Variants in TREML2 observed in about 807,000 individuals in gnomAD.
TREML2 encodes the protein triggering receptor expressed on myeloid cells like 2, also known as trem-like transcript 2 protein.
A neutral mutation model predicts 25.9 loss-of-function variants in TREML2; 24 were observed. That is an observed-to-expected ratio of 0.93 (90% CI 0.67 to 1.30). The LOEUF is 1.30. Among genes scored for constraint, TREML2 ranks in the 50% most tolerant of loss-of-function variants. The probability of loss-of-function intolerance (pLI) is 0.00; values close to 1 mark genes in which losing one functional copy is unlikely to be tolerated. For missense variants in TREML2, 359 were observed against 395.6 expected, an observed-to-expected ratio of 0.91 and a Z score of 0.78; for synonymous variants, 139 against 155.2, an observed-to-expected ratio of 0.90 and a Z score of 0.77.
chr6:41,195,601 G>A (rs768930478), intron 2 of TREML2, among the ~76,000 whole-genome samples: 1 of 152,158 alleles, frequency 6.6e-6, no homozygotes, highest in Non-Finnish European at 1.5e-5. Context: ...CTGGAGAAGG[G>A]GACCCAGAAC....
intron 3 of TREML2, 43 bp from the exon 4 acceptor site, chr6:41,192,944 C>CCCCCATCCTAA (rs755387047): frequency 1.0e-5 from 15 of 1,479,920 alleles, no homozygotes; most frequent in Admixed American, 2.3e-5. Flanking sequence ...GCACCAAGGT[C>CCCCCATCCTAA]CCCCATCCTA....
chr6:41,190,049 C>T lies in TREML2; in HGVS notation c.*2378G>A, dbSNP rs1253989566. Among the ~76,000 whole-genome samples the T allele has an allele frequency of 6.6e-6, 1 of 152,120 alleles. No individual in the cohort carries two copies. The highest frequency in any genetic ancestry group is 1.5e-5 in the Non-Finnish European group (1 of 68,028). ...TGTTTGGGCAAGTCACCTGTGTAGTCTGTCTTATCTATGAGGCTGTGGGCA... is the reference window on the plus strand; with the variant it reads ...TGTTTGGGCAAGTCACCTGTGTAGTTTGTCTTATCTATGAGGCTGTGGGCA... On this transcript the variant is annotated 3_prime_UTR_variant, in exon 5 of 5. Transcript: ENST00000483722.
chr6:41,193,249 C>CT (rs1368980224), intron 3 of TREML2, among the ~76,000 whole-genome samples: 1 of 152,148 alleles, frequency 6.6e-6, no homozygotes, highest in Non-Finnish European at 1.5e-5. Flanking sequence ...TTCCCCCACT[C>CT]TATCCTCTGT....
Position 41,192,663 on chromosome 6 carries a change from T to C in TREML2, c.886+138A>G, listed in dbSNP as rs1766088294. On this transcript the variant is annotated intron_variant, in intron 4 of 4. Transcript: ENST00000483722. Reference sequence around the variant, plus strand: ...GGTGGTCTCCGCCTGGCCGCCCTCCTCCCCAGGTGGAAGCGTCATAGTCCT... The same window carrying C: ...GGTGGTCTCCGCCTGGCCGCCCTCCCCCCCAGGTGGAAGCGTCATAGTCCT... 5 of 1,127,742 alleles carry C rather than the reference T, an allele frequency of 4.4e-6. No homozygotes were observed. The Admixed American group carries it at 6.2e-5, about 14-fold the overall frequency. The allele number at this position is 1,127,742 out of a possible 1,614,324, so 69.9% of individuals were successfully genotyped here.
chr6:41,200,451 A>T (rs868348592), intron 1 of TREML2, among the ~76,000 whole-genome samples: 3 of 152,186 alleles, frequency 2.0e-5, no homozygotes, highest in Admixed American at 6.5e-5. Flanking sequence ...TGGCAGCGAG[A>T]GGGGCAGGAA....
At position 41,192,135 on chromosome 6, in the gene TREML2, A is replaced by C; in HGVS notation, c.*292T>G. The C allele has an allele frequency of 2.4e-6, 1 of 413,852 alleles. No individual in the cohort carries two copies. The highest frequency in any genetic ancestry group is 3.2e-5 in the South Asian group (1 of 31,260). The allele number at this position is 413,852 out of a possible 1,614,324, so 25.6% of individuals were successfully genotyped here. A position where few individuals can be genotyped will look rare whatever the true frequency, so the allele number is the denominator to read the frequency against. ...CTCTCAGGGTTCCCCTGCCTCCACC[A>C]AGAGCCCTGGGGTCTGCAGCTCCGA... On this transcript the variant is annotated 3_prime_UTR_variant, in exon 5 of 5. Coordinates refer to ENST00000483722, the MANE Select transcript of TREML2 (RefSeq NM_024807.4).
At position 41,200,893 on chromosome 6, in the gene TREML2, C is replaced by T. The variant is rs1582100664; in HGVS notation, c.55+61G>A. 17 of 1,401,114 alleles carry T rather than the reference C, an allele frequency of 1.2e-5. No individual in the cohort carries two copies. In the East Asian group the frequency reaches 4.5e-4, roughly 37 times the overall value. 86.8% of individuals were successfully genotyped at this position (1,401,114 alleles called of 1,614,324 possible). ...GCTGGTAAGGAGGGTAAGAAAAAGG[C>T]CCTGAGCTCCTGCCTCTGTACCCAC... On this transcript the variant is annotated intron_variant, in intron 1 of 4. Coordinates refer to ENST00000483722, the MANE Select transcript of TREML2 (RefSeq NM_024807.4).
In TREML2 at chr6:41,198,428, G is replaced by A. The variant is rs1233430163; in HGVS notation, c.57C>T (p.Gly19=). The part of the protein sequence containing the change: ...LLLWPQGCVS[G]PSADSVYTKV... The stretch of plus-strand genomic sequence containing the variant: ...TTGTGTATACACTGTCAGCAGAGGG[G>A]CCTGTGGAGACAATACTTATTGAAT... Residue 19 remains glycine (G), a splice_region_variant and synonymous_variant, in exon 2 of 5, where the codon GGC becomes GGT. Transcript: ENST00000483722. The A allele has an allele frequency of 3.1e-6, 5 of 1,605,994 alleles. No individual in the cohort carries two copies. The South Asian group carries it at 5.5e-5, about 18-fold the overall frequency.
In TREML2 at chr6:41,201,077, C is replaced by A; in HGVS notation, c.-69G>T. ...GAGGGCCCACCCGACACAGGATGTGCCACCTGGGCCTGCCAGGGAAGGACC... is the reference window on the plus strand; with the variant it reads ...GAGGGCCCACCCGACACAGGATGTGACACCTGGGCCTGCCAGGGAAGGACC... On this transcript the variant is annotated 5_prime_UTR_variant, in exon 1 of 5. Coordinates refer to ENST00000483722, the MANE Select transcript of TREML2 (RefSeq NM_024807.4). The A allele has an allele frequency of 6.4e-7, 1 of 1,574,708 alleles. No individual in the cohort carries two copies. Among genetic ancestry groups the A allele is most frequent in the Non-Finnish European group, 8.7e-7 (1 of 1,144,812 alleles).
At position 41,198,133 on chromosome 6, in the gene TREML2, C is replaced by A. The variant is rs1332899511; in HGVS notation, c.352G>T (p.Gly118Cys). The A allele has an allele frequency of 1.2e-6, 2 of 1,602,052 alleles. No individual in the cohort carries two copies. Among genetic ancestry groups the A allele is most frequent in the Non-Finnish European group, 8.5e-7 (1 of 1,171,134 alleles). Residue 118 changes from glycine to cysteine, a missense_variant, in exon 2 of 5, where the codon GGC becomes TGC. Coordinates refer to ENST00000483722, the MANE Select transcript of TREML2 (RefSeq NM_024807.4). ...NTSGILYPLMGFQLDVSPAPQ... is the reference protein window; with the variant it reads ...NTSGILYPLMCFQLDVSPAPQ... ...CCTGGAGACACATCCAGCTGGAAGC[C>A]CATCAAGGGGTACAGGATCCCAGAG...
intron 2 of TREML2, among the ~76,000 whole-genome samples, chr6:41,195,559 T>TC (rs1766145812): frequency 6.6e-6 from 1 of 152,180 alleles, no homozygotes. Context: ...CAAATTGTCA[T>TC]CATGGAAGGT....
At position 41,190,476 on chromosome 6, in the gene TREML2, T is replaced by C. The variant is rs1766032540; in HGVS notation, c.*1951A>G. 6.6e-6 allele frequency: 1 copy of C among 152,216 alleles called. No individual in the cohort carries two copies. 9.4% of individuals were successfully genotyped at this position (152,216 alleles called of 1,614,324 possible). A position where few individuals can be genotyped will look rare whatever the true frequency, so the allele number is the denominator to read the frequency against. ...AAAACAACTTAAGGAATAATGGTAA[T>C]GAGGCATTTGCATCATTGTACAATG... is the stretch of plus-strand genomic sequence containing the variant. On this transcript the variant is annotated 3_prime_UTR_variant, in exon 5 of 5. Transcript: ENST00000483722.
chr6:41,197,359 C>T (rs1001096082), intron 2 of TREML2, among the ~76,000 whole-genome samples: 4 of 152,176 alleles, frequency 2.6e-5, no homozygotes, highest in Admixed American at 6.5e-5. Flanking sequence ...ACTCTCCAAC[C>T]TCCTCATTCA....
intron 3 of TREML2, 136 bp from the exon 4 acceptor site, chr6:41,193,037 C>A (rs1766096055): frequency 3.1e-6 from 2 of 644,582 alleles, no homozygotes; most frequent in Admixed American, 3.5e-5. Context: ...TCCTTACAGA[C>A]CCGGCCACAG....
chr6:41,200,922 C>T lies in TREML2; in HGVS notation c.55+32G>A. On this transcript the variant is annotated intron_variant, in intron 1 of 4. Transcript: ENST00000483722. ...GAGCTCCTGCCTCTGTACCCACTCC[C>T]TCCTCCACAAGTCAGCCCCTTCTCC... The T allele has an allele frequency of 2.0e-6, 3 of 1,508,488 alleles. No homozygotes were observed. The South Asian group carries it at 4.0e-5, about 20-fold the overall frequency. The allele number at this position is 1,508,488 out of a possible 1,614,324, so 93.4% of individuals were successfully genotyped here.
Position 41,194,809 on chromosome 6 carries a change from G to T in TREML2, c.401C>A (p.Pro134His). 6.3e-7 allele frequency: 1 copy of T among 1,575,476 alleles called. No individual in the cohort carries two copies. The highest frequency in any genetic ancestry group is 8.6e-7 in the Non-Finnish European group (1 of 1,158,760). Reference protein sequence around the residue: ...SPAPQTERNIPFTHLDNILKS... With the variant: ...SPAPQTERNIHFTHLDNILKS... Reference sequence around the variant, plus strand: ...GAGGATGTTGTCCAGATGTGTGAAAGGAATGTTCCTCTCAGTTTGGGGAGC... The same window carrying T: ...GAGGATGTTGTCCAGATGTGTGAAATGAATGTTCCTCTCAGTTTGGGGAGC... The change falls in exon 3 of 5, where the codon CCT (proline) becomes CAT (histidine). Residue 134 changes from proline (P) to histidine (H), a missense_variant. Coordinates refer to ENST00000483722, the MANE Select transcript of TREML2 (RefSeq NM_024807.4).
At chr6:41,197,847 CAA>C (rs1766196459) in intron 2 of TREML2, among the ~76,000 whole-genome samples, 1 of 152,160 alleles carries the variant, frequency 6.6e-6, no homozygotes, top group African/African-American at 2.4e-5. Flanking sequence ...CAGACAGTGC[CAA>C]GTTTGAACCT....
chr6:41,195,965 C>T (rs1289558373), intron 2 of TREML2, among the ~76,000 whole-genome samples: 4 of 152,332 alleles, frequency 2.6e-5, no homozygotes, highest in Admixed American at 2.0e-4. Flanking sequence ...CAGTAACTTT[C>T]CTTCTCCACT....
chr6:41,194,038 A>C (rs1253516702), intron 3 of TREML2, among the ~76,000 whole-genome samples: 2 of 98,912 alleles, frequency 2.0e-5, no homozygotes, highest in Admixed American at 1.1e-4. Context: ...CCTTCCTCCC[A>C]CCAACTCCGC....
Sources: allele counts gnomAD v4.1 joint callset (sites outside exome capture counted in the v4.1 genomes callset), GRCh38; gene constraint gnomAD v4.1.1; transcripts MANE v1.5; gene names NCBI Gene and HGNC (gene_info 2026-07-23, HGNC 2026-07-21).